Variants in PTPRD observed in about 807,000 individuals in gnomAD.
PTPRD encodes receptor-type tyrosine-protein phosphatase delta.
PTPRD carries 34 observed loss-of-function variants against 214.5 expected under a neutral mutation model. The ratio of observed to expected loss-of-function variants is 0.16; its 90% CI spans 0.12 to 0.21. PTPRD has a LOEUF of 0.21. PTPRD is among the 10% of genes least tolerant of loss of function. The probability of loss-of-function intolerance (pLI) is 1.00; values close to 1 mark genes in which losing one functional copy is unlikely to be tolerated. For synonymous variants in PTPRD, 1,128 were observed against 845.7 expected (o/e 1.33, Z -5.79); for missense variants, 2,545 against 2,398.7 (o/e 1.06, Z -1.27).
At chr9:9,049,416 G>C (rs2099680333) in intron 10 of PTPRD, among the ~76,000 whole-genome samples, 2 of 152,116 alleles carry the variant, frequency 1.3e-5, no homozygotes, top group African/African-American at 4.8e-5. Flanking sequence ...TTTATTTGAA[G>C]ACAGGACAAA....
intron 2 of PTPRD, among the ~76,000 whole-genome samples, chr9:10,578,015 G>C (rs987151911): frequency 6.6e-6 from 1 of 151,296 alleles, no homozygotes; most frequent in African/African-American, 2.4e-5. Flanking sequence ...AGGTTCAAGC[G>C]ATTCTCTTGC....
chr9:8,374,959 A>C (rs1049455806), intron 39 of PTPRD, among the ~76,000 whole-genome samples: 9 of 151,896 alleles, frequency 5.9e-5, no homozygotes, highest in Non-Finnish European at 1.2e-4. Context: ...TTATAGTATA[A>C]TATGGGGTAT....
intron 2 of PTPRD, among the ~76,000 whole-genome samples, chr9:10,538,253 A>G (rs1156657401): frequency 7.4e-6 from 1 of 135,046 alleles, no homozygotes; most frequent in Non-Finnish European, 1.6e-5. Context: ...TAAATAAATA[A>G]ATAAATAAAT....
At chr9:9,573,578 T>C (rs564394148) in intron 8 of PTPRD, among the ~76,000 whole-genome samples, 3 of 151,940 alleles carry the variant, frequency 2.0e-5, no homozygotes, top group East Asian at 3.9e-4. Context: ...TTGTTTCTTA[T>C]TATAAATTGA....
At chr9:8,577,278 G>C (rs946521814) in intron 14 of PTPRD, among the ~76,000 whole-genome samples, 2 of 151,920 alleles carry the variant, frequency 1.3e-5, no homozygotes, top group Non-Finnish European at 2.9e-5. Context: ...TTTTGAGATG[G>C]AGTTTCGCTC....
chr9:10,302,807 T>C (rs2095906515), intron 3 of PTPRD, among the ~76,000 whole-genome samples: 1 of 152,068 alleles, frequency 6.6e-6, no homozygotes, highest in African/African-American at 2.4e-5. Flanking sequence ...GCCCACACAA[T>C]AATAGTGGGA....
intron 12 of PTPRD, among the ~76,000 whole-genome samples, chr9:8,706,105 G>T (rs941483539): frequency 1.3e-5 from 2 of 152,106 alleles, no homozygotes; most frequent in African/African-American, 4.8e-5. Context: ...AAGGAGAAAA[G>T]AAGCCAATTA....
chr9:8,719,962 G>C (rs2098474894), intron 12 of PTPRD, among the ~76,000 whole-genome samples: 1 of 152,158 alleles, frequency 6.6e-6, no homozygotes, highest in African/African-American at 2.4e-5. Context: ...CCTCAAGCTG[G>C]TAGATGCTTC....
At chr9:9,725,194 G>T (rs966948904) in intron 7 of PTPRD, among the ~76,000 whole-genome samples, 3 of 152,074 alleles carry the variant, frequency 2.0e-5, no homozygotes, top group African/African-American at 7.2e-5. Flanking sequence ...CGTGTTCTGG[G>T]AAGGATCTGG....
chr9:8,922,777 G>C (rs1009127730), intron 11 of PTPRD, among the ~76,000 whole-genome samples: 1 of 151,744 alleles, frequency 6.6e-6, no homozygotes, highest in Admixed American at 6.6e-5. Context: ...CTCCCGAGTA[G>C]CTGGGACTAC....
chr9:8,899,218 A>G (rs1162468307), intron 11 of PTPRD, among the ~76,000 whole-genome samples: 1 of 152,174 alleles, frequency 6.6e-6, no homozygotes, highest in African/African-American at 2.4e-5. Flanking sequence ...CACCGTAATT[A>G]TCATTTCTGA....
chr9:8,785,655 C>A (rs887947804), intron 11 of PTPRD, among the ~76,000 whole-genome samples: 1 of 152,074 alleles, frequency 6.6e-6, no homozygotes, highest in Non-Finnish European at 1.5e-5. Context: ...AAATAAAGTA[C>A]AAAAATAAAA....
chr9:9,922,669 TA>T (rs1173213847), intron 5 of PTPRD, among the ~76,000 whole-genome samples: 5 of 151,718 alleles, frequency 3.3e-5, no homozygotes, highest in African/African-American at 1.2e-4. Context: ...CTATAAAAAA[TA>T]ACAAAAAAGT....
At chr9:9,734,635 A>C (rs899960523) in intron 6 of PTPRD, 64 bp from the exon 7 acceptor site, 1 of 152,102 alleles carries the variant, frequency 6.6e-6, no homozygotes, top group Non-Finnish European at 1.5e-5. Flanking sequence ...AAAAATAGAC[A>C]ATAAAATGCT....
chr9:8,656,689 A>C (rs919064695), intron 12 of PTPRD, among the ~76,000 whole-genome samples: 3 of 152,220 alleles, frequency 2.0e-5, no homozygotes, highest in African/African-American at 7.2e-5. Flanking sequence ...AGCTGAATTG[A>C]AATATATTTG....
At chr9:10,359,622 G>A (rs1211071019) in intron 2 of PTPRD, among the ~76,000 whole-genome samples, 1 of 151,988 alleles carries the variant, frequency 6.6e-6, no homozygotes, top group Non-Finnish European at 1.5e-5. Context: ...CAGTGTAATG[G>A]GTTGAACATA....
At chr9:10,287,945 T>C (rs2095413466) in intron 3 of PTPRD, among the ~76,000 whole-genome samples, 1 of 152,082 alleles carries the variant, frequency 6.6e-6, no homozygotes, top group Non-Finnish European at 1.5e-5. Context: ...ATTTCTCCTA[T>C]ACATATGTTG....
chr9:8,857,951 C>T (rs1356087790), intron 11 of PTPRD, among the ~76,000 whole-genome samples: 8 of 149,796 alleles, frequency 5.3e-5, no homozygotes, highest in Admixed American at 2.6e-4. Context: ...CCTCCTCCTC[C>T]GCCTCCTCCT....
At chr9:10,481,699 T>C (rs962001625) in intron 2 of PTPRD, among the ~76,000 whole-genome samples, 1 of 152,176 alleles carries the variant, frequency 6.6e-6, no homozygotes, top group Non-Finnish European at 1.5e-5. Context: ...TTAAAAATCC[T>C]CATAGGTATG....
Sources: allele counts gnomAD v4.1 joint callset (sites outside exome capture counted in the v4.1 genomes callset), GRCh38; gene constraint gnomAD v4.1.1; transcripts MANE v1.5; gene names NCBI Gene and HGNC (gene_info 2026-07-23, HGNC 2026-07-21).